ARL14EP: variants seen among roughly 807,000 people sequenced by gnomAD.
The protein encoded by ARL14EP is ARF like GTPase 14 effector protein.
In ARL14EP, 12 loss-of-function variants were observed where a neutral mutation model predicts 23.1. That is an observed-to-expected ratio of 0.52 (90% CI 0.33 to 0.84). The LOEUF is 0.84. ARL14EP is among the 40% of genes least tolerant of loss of function. The probability of loss-of-function intolerance (pLI) is 0.02; values close to 1 mark genes in which losing one functional copy is unlikely to be tolerated. For synonymous variants in ARL14EP, 97 were observed against 102.0 expected, an observed-to-expected ratio of 0.95 and a Z score of 0.29; for missense variants, 253 against 307.3, an observed-to-expected ratio of 0.82 and a Z score of 1.32.
chr11:30,324,651 C>T (rs1947223767), intron 1 of ARL14EP, among the ~76,000 whole-genome samples: 1 of 152,138 alleles, frequency 6.6e-6, no homozygotes, highest in Non-Finnish European at 1.5e-5. Context: ...CTTCCTCAAC[C>T]TAATCTACCT....
chr11:30,336,573 G>A lies in ARL14EP; in HGVS notation c.561G>A (p.Val187=). 6.2e-7 allele frequency: 1 copy of A among 1,611,956 alleles called. No homozygotes were observed. Residue 187 remains valine (V), a synonymous_variant, in exon 4 of 4, where the codon GTG becomes GTA. Transcript: ENST00000282032. ...KNATAGSDRQ[V]IPAKSKVYDS... ...ATTGTGTTTTATTTTACAGACAAGT[G>A]ATACCAGCAAAGAGTAAGGTCTATG... is the stretch of plus-strand genomic sequence containing the variant.
intron 3 of ARL14EP, 58 bp from the exon 4 acceptor site, chr11:30,336,509 C>A (rs1392109535): frequency 3.0e-6 from 4 of 1,353,016 alleles, no homozygotes; most frequent in Non-Finnish European, 4.1e-6. Flanking sequence ...ACTGTATTTT[C>A]AATTAAATCA....
Position 30,336,917 on chromosome 11 carries a change from A to C in ARL14EP, c.*122A>C. The C allele has an allele frequency of 1.1e-6, 1 of 921,266 alleles. No homozygotes were observed. The highest frequency in any genetic ancestry group is 1.5e-5 in the South Asian group (1 of 68,358). The allele number at this position is 921,266 out of a possible 1,614,324, so 57.1% of individuals were successfully genotyped here. ...TTTTAAAACCATCTCAGTGTGCCCT[A>C]ATTTTTCATCTTGGGTGCTTTAAGA... On this transcript the variant is annotated 3_prime_UTR_variant, in exon 4 of 4. Coordinates refer to ENST00000282032, the MANE Select transcript of ARL14EP (RefSeq NM_152316.3).
In ARL14EP at chr11:30,336,674, A is replaced by T. The variant is rs780825007; in HGVS notation, c.662A>T (p.Tyr221Phe). ...CLDEDCLGCF[Y>F]ACPACGSTKC... ...GATGAAGACTGCTTAGGATGTTTCT[A>T]TGCTTGTCCTGCCTGTGGTTCTACC... is the stretch of plus-strand genomic sequence containing the variant. The change falls in exon 4 of 4, where the codon TAT becomes TTT. Residue 221 changes from tyrosine to phenylalanine, a missense_variant. Physicochemically the swap from Tyr to Phe is conservative, Grantham distance 22. Transcript: ENST00000282032. 2 of 1,614,130 alleles carry T rather than the reference A, an allele frequency of 1.2e-6. No individual in the cohort carries two copies. The highest frequency in any genetic ancestry group is 2.2e-5 in the South Asian group (2 of 91,090).
intron 2 of ARL14EP, among the ~76,000 whole-genome samples, chr11:30,332,026 A>G (rs1054311639): frequency 1.3e-5 from 2 of 152,088 alleles, no homozygotes; most frequent in South Asian, 2.1e-4. Context: ...ACATGCCTAC[A>G]TGCATATTTA....
In ARL14EP at chr11:30,336,548, A is replaced by T. The variant is rs1165288591; in HGVS notation, c.555-19A>T. The T allele has an allele frequency of 2.6e-6, 4 of 1,564,394 alleles. No homozygotes were observed. The highest frequency in any genetic ancestry group is 3.5e-6 in the Non-Finnish European group (4 of 1,135,672). ...ATAACATATTTATGAGGTATAATTC[A>T]TTGTGTTTTATTTTACAGACAAGTG... On this transcript the variant is annotated intron_variant, in intron 3 of 3. Coordinates refer to ENST00000282032, the MANE Select transcript of ARL14EP (RefSeq NM_152316.3).
chr11:30,324,505 C>T (rs1222216), intron 1 of ARL14EP, among the ~76,000 whole-genome samples: 25,468 of 152,014 alleles, frequency 0.17, 2,369 homozygotes, highest in East Asian at 0.23. Context: ...CCTCAATTCC[C>T]TCTGCTGTTG....
chr11:30,325,765 T>A (rs1406548264), intron 1 of ARL14EP, among the ~76,000 whole-genome samples: 1 of 152,196 alleles, frequency 6.6e-6, no homozygotes, highest in African/African-American at 2.4e-5. Flanking sequence ...GTAGACATGT[T>A]TATAGAGCAG....
chr11:30,328,559 C>T (rs1309552873), intron 1 of ARL14EP: 2 of 152,100 alleles, frequency 1.3e-5, no homozygotes, highest in Admixed American at 1.3e-4. Context: ...TCTGTTTTTA[C>T]CAGCTTTAAA....
chr11:30,330,985 A>C lies in ARL14EP; in HGVS notation c.37A>C (p.Thr13Pro). 1.2e-6 allele frequency: 2 copies of C among 1,613,876 alleles called. No individual in the cohort carries two copies. Among genetic ancestry groups the C allele is most frequent in the Non-Finnish European group, 1.7e-6 (2 of 1,179,790 alleles). Reference protein sequence around the residue: ...DPCSVGVQLRTTNECHKTYYT... With the variant: ...DPCSVGVQLRPTNECHKTYYT... Reference sequence around the variant, plus strand: ...ATGTTCAGTTGGAGTCCAGCTTCGTACTACAAATGAGTGCCATAAAACCTA... The same window carrying C: ...ATGTTCAGTTGGAGTCCAGCTTCGTCCTACAAATGAGTGCCATAAAACCTA... Residue 13 changes from threonine (T) to proline (P), a missense_variant, in exon 2 of 4, where the codon ACT (threonine) becomes CCT (proline). By Grantham distance (38) the Thr-to-Pro change is conservative (BLOSUM62 -1). Transcript: ENST00000282032.
intron 1 of ARL14EP, chr11:30,329,927 T>A (rs1565008513): frequency 2.0e-5 from 3 of 152,258 alleles, no homozygotes; most frequent in South Asian, 4.1e-4. Flanking sequence ...TTATTTATTT[T>A]TTTGGTATCT....
rs1565008804 is a variant in ARL14EP, at chr11:30,330,891, T to C, written c.-58T>C. 22 of 1,522,636 alleles carry C rather than the reference T, an allele frequency of 1.4e-5. No homozygotes were observed. The East Asian group carries it at 4.6e-4, about 32-fold the overall frequency. The allele number at this position is 1,522,636 out of a possible 1,614,324, so 94.3% of individuals were successfully genotyped here. On this transcript the variant is annotated 5_prime_UTR_variant, in exon 2 of 4. Transcript: ENST00000282032. ...CTCTTTAATATTTTCTCTAGGGTGA[T>C]CAGCCCATGACCTAAACCTCCAGAC...
intron 1 of ARL14EP, among the ~76,000 whole-genome samples, chr11:30,323,940 A>G (rs890245006): frequency 7.2e-5 from 11 of 152,226 alleles, no homozygotes; most frequent in African/African-American, 1.2e-4. Flanking sequence ...AATCTTTTCA[A>G]TGGTGTTATG....
At position 30,333,784 on chromosome 11, in the gene ARL14EP, G is replaced by A. The variant is rs547596897; in HGVS notation, c.554+791G>A. Among the ~76,000 whole-genome samples the A allele has an allele frequency of 1.7e-4, 26 of 152,286 alleles. No homozygotes were observed. The South Asian group carries it at 3.7e-3, about 22-fold the overall frequency. On this transcript the variant is annotated intron_variant, in intron 3 of 3. Coordinates refer to ENST00000282032, the MANE Select transcript of ARL14EP (RefSeq NM_152316.3). ...ATGATTAAGCTTGGGAGTAAGGCAC[G>A]TCAAAAGCTGAGACAGGCCAAAAGC...
chr11:30,331,594 A>G, intron 2 of ARL14EP: 1 of 1,400,934 alleles, frequency 7.1e-7, no homozygotes, highest in South Asian at 1.6e-5. Flanking sequence ...ATAATAAAAT[A>G]TGCCTAAGAC....
intron 1 of ARL14EP, among the ~76,000 whole-genome samples, chr11:30,325,225 A>G (rs1947227989): frequency 6.6e-6 from 1 of 152,210 alleles, no homozygotes; most frequent in Non-Finnish European, 1.5e-5. Flanking sequence ...GAGTTGGCCA[A>G]AGCTCAGGAA....
chr11:30,329,669 A>G (rs898452406), intron 1 of ARL14EP: 4 of 152,144 alleles, frequency 2.6e-5, no homozygotes, highest in African/African-American at 7.2e-5. Flanking sequence ...GCATTTTCCT[A>G]GGAACTATGG....
chr11:30,326,958 C>G (rs976620876), intron 1 of ARL14EP, among the ~76,000 whole-genome samples: 4 of 152,178 alleles, frequency 2.6e-5, no homozygotes, highest in Admixed American at 2.0e-4. Flanking sequence ...TTAAAATGAG[C>G]TGATCCTGTA....
At chr11:30,335,010 AGTGAGT>A (rs1401141048) in intron 3 of ARL14EP, among the ~76,000 whole-genome samples, 1 of 152,234 alleles carries the variant, frequency 6.6e-6, no homozygotes, top group African/African-American at 2.4e-5. Flanking sequence ...TGCCATAGAC[AGTGAGT>A]GATTCCTCTG....
Sources: allele counts gnomAD v4.1 joint callset (sites outside exome capture counted in the v4.1 genomes callset), GRCh38; gene constraint gnomAD v4.1.1; transcripts MANE v1.5; gene names NCBI Gene and HGNC (gene_info 2026-07-23, HGNC 2026-07-21).